The following GSDME variants were observed in gnomAD, a reference collection of about 807,000 sequenced individuals.
The protein encoded by GSDME is gasdermin E, also known as gasdermin-E.
Under a neutral mutation model 47.5 loss-of-function variants are expected in GSDME, and 44 were observed. The ratio of observed to expected loss-of-function variants is 0.93; its 90% CI spans 0.73 to 1.19. The LOEUF (loss-of-function observed/expected upper bound fraction) is 1.19. Among genes scored for constraint, GSDME ranks in the 50% most tolerant of loss-of-function variants. The pLI is 0.00. For missense variants in GSDME, 663 were observed against 604.2 expected (o/e 1.10, Z -1.02); for synonymous variants, 258 against 252.8 (o/e 1.02, Z -0.20).
chr7:24,707,854 T>A, intron 7 of GSDME: 1 of 570,288 alleles, frequency 1.8e-6, no homozygotes, highest in South Asian at 2.5e-5. Flanking sequence ...CACCTAGACT[T>A]TGGACTTTTG....
chr7:24,711,600 T>G (rs961795094), intron 5 of GSDME, among the ~76,000 whole-genome samples: 1 of 152,014 alleles, frequency 6.6e-6, no homozygotes, highest in Non-Finnish European at 1.5e-5. Context: ...GCAGGCAGAT[T>G]GCTTGAGCCC....
At chr7:24,709,879 C>A (rs1001553654) in intron 6 of GSDME, among the ~76,000 whole-genome samples, 1 of 152,060 alleles carries the variant, frequency 6.6e-6, no homozygotes, top group Admixed American at 6.6e-5. Flanking sequence ...TCTCCATCCT[C>A]GCGGCTGATG....
Position 24,712,609 on chromosome 7 carries a change from G to A in GSDME, c.698-2221C>T, listed in dbSNP as rs1789397730. 2.0e-5 allele frequency among the ~76,000 whole-genome samples: 3 copies of A among 152,210 alleles called. No homozygotes were observed. The highest frequency in any genetic ancestry group is 2.0e-4 in the Admixed American group (3 of 15,280). On this transcript the variant is annotated intron_variant, in intron 5 of 9. Coordinates refer to ENST00000645220, the MANE Select transcript of GSDME (RefSeq NM_001127453.2). This position sits in a 1 kb window ranked among gnomAD's most constrained non-coding sequence, Gnocchi z 4.4. ...CTTGACGATGAGTGTGGTAAGAGTGGGGACAGCGGTTGAACAGGGCTGAGG... is the reference window on the plus strand; with the variant it reads ...CTTGACGATGAGTGTGGTAAGAGTGAGGACAGCGGTTGAACAGGGCTGAGG...
intron 6 of GSDME, among the ~76,000 whole-genome samples, chr7:24,709,138 A>G (rs1191969106): frequency 6.6e-6 from 1 of 152,140 alleles, no homozygotes; most frequent in East Asian, 1.9e-4. Context: ...TATACACACA[A>G]CTGTCTTTAC....
chr7:24,706,325 G>A lies in GSDME; in HGVS notation c.1042C>T (p.Leu348=). ...LSPTVAVLGE[L]KPRQQQDLVA... ...AGGTCCTGCTGCTGCCGGGGCTTCA[G>A]CTCCCCCAGCACCGCCACTGTGGGC... The change falls in exon 8 of 10, where the codon CTG becomes TTG. Residue 348 remains leucine (L), a synonymous_variant. Coordinates refer to ENST00000645220, the MANE Select transcript of GSDME (RefSeq NM_001127453.2). 4 of 1,613,234 alleles carry A rather than the reference G, an allele frequency of 2.5e-6. No homozygotes were observed. Among genetic ancestry groups the A allele is most frequent in the Non-Finnish European group, 3.4e-6 (4 of 1,179,794 alleles).
chr7:24,740,485 A>C (rs1444328506), intron 3 of GSDME, among the ~76,000 whole-genome samples: 1 of 152,270 alleles, frequency 6.6e-6, no homozygotes, highest in East Asian at 1.9e-4. Context: ...AAACTGTATA[A>C]TTGGATTGCT....
chr7:24,743,300 A>G (rs1790546837), intron 3 of GSDME, among the ~76,000 whole-genome samples: 1 of 152,250 alleles, frequency 6.6e-6, no homozygotes, highest in Non-Finnish European at 1.5e-5. Flanking sequence ...GCAAAAGATG[A>G]AATAAGCCAG....
chr7:24,759,819 G>T (rs1175305551), upstream of GSDME, among the ~76,000 whole-genome samples: 3 of 152,202 alleles, frequency 2.0e-5, no homozygotes, highest in African/African-American at 7.2e-5. Context: ...CCAGTCTGCT[G>T]CTCTCCCTGT....
chr7:24,770,557 T>A, the GSDME span, among the ~76,000 whole-genome samples: 2 of 152,190 alleles, frequency 1.3e-5, no homozygotes, highest in Non-Finnish European at 2.9e-5. The surrounding 1 kb of genome is among the most constrained non-coding windows in gnomAD (Gnocchi z 4.6). Flanking sequence ...GTGGGGTCTA[T>A]GCTAACTCTG....
chr7:24,759,114 G>A (rs570015709), upstream of GSDME, among the ~76,000 whole-genome samples: 2 of 152,294 alleles, frequency 1.3e-5, no homozygotes, highest in African/African-American at 4.8e-5. Context: ...GTGATGAGAT[G>A]TTGGACGAAA....
At chr7:24,717,527 T>TG (rs1190859456) in intron 4 of GSDME, among the ~76,000 whole-genome samples, 153 bp from the exon 5 acceptor site, 2 of 151,916 alleles carry the variant, frequency 1.3e-5, no homozygotes, top group Non-Finnish European at 2.9e-5. Context: ...GCATGGGGGA[T>TG]GGGGGGATTC....
At position 24,739,416 on chromosome 7, in the gene GSDME, C is replaced by T. The variant is rs186473236; in HGVS notation, c.404+5146G>A. Among the ~76,000 whole-genome samples the T allele has an allele frequency of 9.4e-4, 143 of 152,246 alleles. 2 individuals are homozygous for T. The highest frequency in any genetic ancestry group is 1.9e-3 in the Non-Finnish European group (131 of 68,014). ...ATCATCAGGGAAATGCAAATCAAAA[C>T]TACAATGAGTTATCACCTCACCCTG... On this transcript the variant is annotated intron_variant, in intron 3 of 9. Transcript: ENST00000645220. This position sits in a 1 kb window ranked among gnomAD's most constrained non-coding sequence, Gnocchi z 5.1.
At chr7:24,790,616 G>A in the GSDME span, among the ~76,000 whole-genome samples, 8 of 152,254 alleles carry the variant, frequency 5.3e-5, no homozygotes, top group East Asian at 1.4e-3. This position sits in a 1 kb window ranked among gnomAD's most constrained non-coding sequence, Gnocchi z 4.1. Context: ...GGGTCCACAC[G>A]GTTTGCAACT....
At chr7:24,755,439 C>T (rs1447666809) in intron 1 of GSDME, among the ~76,000 whole-genome samples, 1 of 152,208 alleles carries the variant, frequency 6.6e-6, no homozygotes, top group Non-Finnish European at 1.5e-5. Context: ...TCCCCTGCTT[C>T]CCTGACCACA....
chr7:24,707,950 C>T (rs1789183505), intron 7 of GSDME, 177 bp downstream of exon 7: 2 of 703,616 alleles, frequency 2.8e-6, no homozygotes, highest in Admixed American at 5.8e-5. Flanking sequence ...ACACCTCCCT[C>T]CACCCGATGC....
chr7:24,702,740 C>CCA lies in GSDME; in HGVS notation c.1257+18_1257+19dup. The CCA allele has an allele frequency of 6.2e-7, 1 of 1,610,290 alleles. No individual in the cohort carries two copies. The highest frequency in any genetic ancestry group is 8.5e-7 in the Non-Finnish European group (1 of 1,177,140). ...CCCCATTCCTATCCATTCTAAGGTC[C>CCA]CACCTGGGAGGTTGCTTACCAAGTG... On this transcript the variant is annotated intron_variant, in intron 9 of 9. Transcript: ENST00000645220.
At chr7:24,775,602 C>G in the GSDME span, among the ~76,000 whole-genome samples, 1 of 152,176 alleles carries the variant, frequency 6.6e-6, no homozygotes, top group Non-Finnish European at 1.5e-5. Flanking sequence ...CGCGGTGGCT[C>G]ACGCCTGTAA....
chr7:24,717,380 G>T lies in GSDME; in HGVS notation c.577-6C>A, dbSNP rs1789608372. On this transcript the variant is annotated splice_polypyrimidine_tract_variant and splice_region_variant and intron_variant, in intron 4 of 9. Transcript: ENST00000645220. ...CCATCCTCCGTCGCTGACACCTGTG[G>T]GCAAAAGCGCACACTCCCACCTGTG... 4 of 1,614,074 alleles carry T rather than the reference G, an allele frequency of 2.5e-6. No individual in the cohort carries two copies. The highest frequency in any genetic ancestry group is 3.4e-6 in the Non-Finnish European group (4 of 1,180,016).
the GSDME span, among the ~76,000 whole-genome samples, chr7:24,783,414 C>G: frequency 6.6e-6 from 1 of 152,130 alleles, no homozygotes; most frequent in African/African-American, 2.4e-5. Flanking sequence ...TGGCAGCAAC[C>G]AGCGATCCCC....
Sources: gnomAD v4.1 joint callset for allele counts (sites outside exome capture counted in the v4.1 genomes callset) on GRCh38, gnomAD v4.1.1 for gene constraint, Gnocchi (gnomAD v3.1) non-coding constraint, MANE v1.5 for transcripts, NCBI Gene and HGNC (gene_info 2026-07-23, HGNC 2026-07-21) for gene names.